The following TRHDE variants were observed in gnomAD, a reference collection of about 807,000 sequenced individuals.
TRHDE encodes thyrotropin releasing hormone degrading enzyme, also known as thyrotropin-releasing hormone-degrading ectoenzyme.
A neutral mutation model predicts 125.7 loss-of-function variants in TRHDE; 72 were observed. That is an observed-to-expected ratio of 0.57 (90% CI 0.47 to 0.70). The LOEUF (loss-of-function observed/expected upper bound fraction) is 0.70, where lower values mean the gene tolerates loss of function less well. Ranked by LOEUF, TRHDE falls within the 30% of genes least tolerant of loss-of-function variation. The pLI is 0.00. For missense variants in TRHDE, 1,110 were observed against 1,327.1 expected, an observed-to-expected ratio of 0.84 and a Z score of 2.54; for synonymous variants, 509 against 509.1, an observed-to-expected ratio of 1.00 and a Z score of 0.00.
At chr12:72,501,266 T>C (rs1292273073) in intron 6 of TRHDE, among the ~76,000 whole-genome samples, 1 of 152,140 alleles carries the variant, frequency 6.6e-6, no homozygotes, top group Non-Finnish European at 1.5e-5. Flanking sequence ...ACCCTTGTGC[T>C]GTTCCTAATT....
At chr12:72,572,656 G>A (rs1870801312) in intron 10 of TRHDE, among the ~76,000 whole-genome samples, 1 of 151,990 alleles carries the variant, frequency 6.6e-6, no homozygotes, top group Non-Finnish European at 1.5e-5. Flanking sequence ...ATAACCTTCA[G>A]GTTTTAGTAG....
At chr12:72,549,940 A>G (rs978050243) in intron 7 of TRHDE, among the ~76,000 whole-genome samples, 1 of 151,822 alleles carries the variant, frequency 6.6e-6, no homozygotes, top group Admixed American at 6.6e-5. Flanking sequence ...ATATAATATT[A>G]ACTAAAAAAC....
intron 1 of TRHDE, among the ~76,000 whole-genome samples, chr12:72,100,059 A>G (rs1875031161): frequency 6.6e-6 from 1 of 152,154 alleles, no homozygotes; most frequent in Admixed American, 6.5e-5. Context: ...AAAAATACCA[A>G]TGGGTAGATC....
chr12:72,134,029 C>G (rs1381256467), intron 2 of TRHDE, among the ~76,000 whole-genome samples: 1 of 152,096 alleles, frequency 6.6e-6, no homozygotes, highest in African/African-American at 2.4e-5. Context: ...TTTGCCTGGT[C>G]CTGGGTCAAA....
chr12:72,286,361 T>A (rs1158419208), intron 1 of TRHDE, among the ~76,000 whole-genome samples: 1 of 152,228 alleles, frequency 6.6e-6, no homozygotes, highest in African/African-American at 2.4e-5. Flanking sequence ...AAAAGGAGAA[T>A]CATCACTTTC....
In TRHDE at chr12:72,185,122, C is replaced by CCGCACT. The variant is rs551480306; in HGVS notation, n.279+79379_279+79384dup. ...CTGGGTGGGCGTGGGCTTGGCGGGCCCGCACTCGCACTCGGAGCAGCCGGC... is the reference window on the plus strand; with the variant it reads ...CTGGGTGGGCGTGGGCTTGGCGGGCCCGCACTCGCACTCGCACTCGGAGCAGCCGGC... On this transcript the variant is annotated intron_variant and non_coding_transcript_variant, in intron 2 of 4. Transcript: ENST00000548156. 2.4e-4 allele frequency among the ~76,000 whole-genome samples: 36 copies of CCGCACT among 152,312 alleles called. No individual in the cohort carries two copies. In the East Asian group the frequency reaches 7.0e-3, roughly 29 times the overall value.
intron 15 of TRHDE, among the ~76,000 whole-genome samples, chr12:72,622,924 C>T (rs773622115): frequency 6.6e-6 from 1 of 151,978 alleles, no homozygotes; most frequent in Non-Finnish European, 1.5e-5. Flanking sequence ...TTATCAGTAT[C>T]ATCTACCAAT....
At chr12:72,423,786 A>T (rs188879052) in intron 3 of TRHDE, among the ~76,000 whole-genome samples, 160 of 152,242 alleles carry the variant, frequency 1.1e-3, no homozygotes, top group Admixed American at 2.2e-3. Context: ...TAATCGGAAG[A>T]GTCTTTAAAA....
At chr12:72,209,018 C>A (rs1345483058) in intron 2 of TRHDE, among the ~76,000 whole-genome samples, 1 of 152,268 alleles carries the variant, frequency 6.6e-6, no homozygotes, top group South Asian at 2.1e-4. Context: ...GCTACCCCTG[C>A]CTTCTTGACC....
At chr12:72,287,029 T>A in intron 2 of TRHDE, 75 bp downstream of exon 2, 1 of 1,476,840 alleles carries the variant, frequency 6.8e-7, no homozygotes, top group Non-Finnish European at 9.2e-7. Context: ...GGATTAACAG[T>A]GAGTCATTTC....
intron 3 of TRHDE, among the ~76,000 whole-genome samples, chr12:72,443,247 G>T (rs1413432902): frequency 6.7e-6 from 1 of 149,472 alleles, no homozygotes; most frequent in African/African-American, 2.5e-5. Context: ...ACTACTTTAT[G>T]TGCTTGAGAT....
intron 12 of TRHDE, chr12:72,611,345 A>G (rs1872626239): frequency 6.5e-6 from 1 of 153,398 alleles, no homozygotes; most frequent in Non-Finnish European, 1.5e-5. Flanking sequence ...TTCTGGAACA[A>G]GCAAATCTCC....
intron 7 of TRHDE, among the ~76,000 whole-genome samples, chr12:72,555,478 A>G (rs1869877377): frequency 6.6e-6 from 1 of 151,634 alleles, no homozygotes; most frequent in African/African-American, 2.4e-5. Flanking sequence ...AGGTTTCAAT[A>G]ATTATACCTT....
In TRHDE at chr12:72,562,282, G is replaced by C. The variant is rs774614612; in HGVS notation, c.1854+52G>C. On this transcript the variant is annotated intron_variant, in intron 8 of 18. Transcript: ENST00000261180. ...AAACCTCTACTTGAATATTTGAATT[G>C]CATTTATAAGACATTCATAGCCTTT... The C allele has an allele frequency of 7.3e-6, 7 of 955,414 alleles. No individual in the cohort carries two copies. In the African/African-American group the frequency reaches 9.8e-5, roughly 13 times the overall value. 59.2% of individuals were successfully genotyped at this position (955,414 alleles called of 1,614,324 possible). A position where few individuals can be genotyped will look rare whatever the true frequency, so the allele number is the denominator to read the frequency against.
chr12:72,599,699 T>A (rs947858799), intron 12 of TRHDE, among the ~76,000 whole-genome samples: 3 of 152,144 alleles, frequency 2.0e-5, no homozygotes, highest in African/African-American at 7.2e-5. Flanking sequence ...TCTTTTGCTG[T>A]GCAGAAACTC....
At position 72,212,655 on chromosome 12, in the gene TRHDE, G is replaced by C. The variant is rs1320776846; in HGVS notation, n.279+106903G>C. Among the ~76,000 whole-genome samples, 3 of 152,188 alleles carry C rather than the reference G, an allele frequency of 2.0e-5. No individual in the cohort carries two copies. The East Asian group carries it at 5.8e-4, about 29-fold the overall frequency. On this transcript the variant is annotated intron_variant and non_coding_transcript_variant, in intron 2 of 4. Transcript: ENST00000548156. ...TGAGATACCCCTTAAAATCCACTAGGATGGTTATAATGTAAGAGATAGACA... is the reference window on the plus strand; with the variant it reads ...TGAGATACCCCTTAAAATCCACTAGCATGGTTATAATGTAAGAGATAGACA...
intron 15 of TRHDE, among the ~76,000 whole-genome samples, chr12:72,631,528 T>A (rs1459558896): frequency 6.6e-6 from 1 of 151,920 alleles, no homozygotes; most frequent in African/African-American, 2.4e-5. Context: ...TCACTGCTTT[T>A]CACGTAAAAA....
intron 1 of TRHDE, among the ~76,000 whole-genome samples, chr12:72,101,445 T>A (rs572753519): frequency 3.4e-4 from 52 of 152,328 alleles, no homozygotes; most frequent in African/African-American, 1.2e-3. Flanking sequence ...TTCTGTTTGG[T>A]GATTACAGTA....
intron 2 of TRHDE, among the ~76,000 whole-genome samples, chr12:72,232,595 C>T (rs929992686): frequency 6.6e-6 from 1 of 151,930 alleles, no homozygotes; most frequent in Non-Finnish European, 1.5e-5. Context: ...ATACAGAACT[C>T]TAGAATCAGG....
Sources: allele counts gnomAD v4.1 joint callset (sites outside exome capture counted in the v4.1 genomes callset), GRCh38; gene constraint gnomAD v4.1.1; transcripts MANE v1.5; gene names NCBI Gene and HGNC (gene_info 2026-07-23, HGNC 2026-07-21).